GRM7: variants seen among roughly 807,000 people sequenced by gnomAD.
GRM7 encodes the protein metabotropic glutamate receptor 7.
A neutral mutation model predicts 84.5 loss-of-function variants in GRM7; 35 were observed. That is an observed-to-expected ratio of 0.41 (90% CI 0.32 to 0.55). The LOEUF is 0.55. GRM7 is among the 20% of genes least tolerant of loss of function. The pLI, the probability that GRM7 is intolerant of heterozygous loss-of-function variation, is 0.19. For missense variants in GRM7, 1,003 were observed against 1,194.6 expected (o/e 0.84, Z 2.36); for synonymous variants, 487 against 455.1 (o/e 1.07, Z -0.89).
intron 1 of GRM7, among the ~76,000 whole-genome samples, chr3:6,899,334 A>G (rs527749583): frequency 1.9e-4 from 29 of 152,298 alleles, no homozygotes; most frequent in Admixed American, 1.3e-3. Context: ...TCAGCTTTTT[A>G]TTACAGGGCA....
At chr3:7,356,310 T>A (rs1693399163) in intron 4 of GRM7, among the ~76,000 whole-genome samples, 1 of 151,842 alleles carries the variant, frequency 6.6e-6, no homozygotes, top group Non-Finnish European at 1.5e-5. Context: ...TTTTTTTTTT[T>A]ATTTTTTTTG....
chr3:7,059,988 G>A (rs1697376121), intron 1 of GRM7, among the ~76,000 whole-genome samples: 1 of 151,842 alleles, frequency 6.6e-6, no homozygotes, highest in Non-Finnish European at 1.5e-5. Flanking sequence ...TTAGAATGGA[G>A]TAGAGTATAC....
At chr3:7,166,845 A>T (rs1694815683) in intron 2 of GRM7, among the ~76,000 whole-genome samples, 1 of 152,210 alleles carries the variant, frequency 6.6e-6, no homozygotes, top group Non-Finnish European at 1.5e-5. Flanking sequence ...ATAAATTCCC[A>T]TGTTGCCTTA....
chr3:6,868,522 A>T (rs1695012593), intron 1 of GRM7, among the ~76,000 whole-genome samples: 1 of 152,168 alleles, frequency 6.6e-6, no homozygotes. Context: ...GTATGCAGGA[A>T]ATAAATATAC....
chr3:7,288,563 C>A (rs901450741), intron 2 of GRM7, among the ~76,000 whole-genome samples: 1 of 152,058 alleles, frequency 6.6e-6, no homozygotes, highest in Non-Finnish European at 1.5e-5. Flanking sequence ...TGGACCCATA[C>A]CCCCACTTCT....
At chr3:7,290,786 G>C (rs1295876082) in intron 2 of GRM7, among the ~76,000 whole-genome samples, 1 of 151,996 alleles carries the variant, frequency 6.6e-6, no homozygotes, top group East Asian at 1.9e-4. Context: ...AACTTCTGGG[G>C]GTGTTCATCT....
At chr3:7,416,603 C>G (rs945517782) in intron 5 of GRM7, among the ~76,000 whole-genome samples, 1 of 151,952 alleles carries the variant, frequency 6.6e-6, no homozygotes, top group African/African-American at 2.4e-5. Context: ...GAGAAATGTA[C>G]AACATATGAC....
intron 7 of GRM7, among the ~76,000 whole-genome samples, chr3:7,561,059 T>C (rs1694003764): frequency 6.6e-6 from 1 of 152,110 alleles, no homozygotes. Context: ...CAACATTTTT[T>C]CTTCCTCCCT....
At chr3:7,126,724 G>A (rs1199470812) in intron 1 of GRM7, among the ~76,000 whole-genome samples, 2 of 152,138 alleles carry the variant, frequency 1.3e-5, no homozygotes, top group Admixed American at 1.3e-4. Context: ...CATTTAGGTT[G>A]CCCCCTCCTC....
Position 7,122,980 on chromosome 3 carries a change from C to G in GRM7, c.520-23472C>G, listed in dbSNP as rs138501965. Among the ~76,000 whole-genome samples, 363 of 152,256 alleles carry G rather than the reference C, an allele frequency of 2.4e-3. 2 individuals carry two copies. Among genetic ancestry groups the G allele is most frequent in the African/African-American group, 8.5e-3 (353 of 41,540 alleles). On this transcript the variant is annotated intron_variant, in intron 1 of 9. Transcript: ENST00000357716. ...TTCCTGAGAATTTTTGAAAAGGTCT[C>G]CTTTTCCCTGTTGAGACACATATGA...
intron 1 of GRM7, among the ~76,000 whole-genome samples, chr3:6,877,914 G>A (rs1695373905): frequency 6.7e-6 from 1 of 149,698 alleles, no homozygotes; most frequent in Admixed American, 6.7e-5. Flanking sequence ...CACATAAGCA[G>A]GAAAGTAGCT....
At chr3:7,038,502 A>G (rs1368551437) in intron 1 of GRM7, among the ~76,000 whole-genome samples, 1 of 152,192 alleles carries the variant, frequency 6.6e-6, no homozygotes, top group African/African-American at 2.4e-5. Flanking sequence ...GAAAATCCTC[A>G]GCTTTAAGTG....
At chr3:7,153,618 T>G (rs1694355965) in intron 2 of GRM7, among the ~76,000 whole-genome samples, 1 of 152,154 alleles carries the variant, frequency 6.6e-6, no homozygotes, top group African/African-American at 2.4e-5. Context: ...TTTTCTAATT[T>G]GAATTTTCTG....
At chr3:7,135,434 A>T (rs1408293308) in intron 1 of GRM7, among the ~76,000 whole-genome samples, 3 of 152,238 alleles carry the variant, frequency 2.0e-5, no homozygotes, top group Admixed American at 6.5e-5. Context: ...CATTATCTTA[A>T]TTGCACATGA....
At chr3:7,514,686 C>A (rs1161047878) in intron 7 of GRM7, among the ~76,000 whole-genome samples, 1 of 152,180 alleles carries the variant, frequency 6.6e-6, no homozygotes, top group Non-Finnish European at 1.5e-5. Flanking sequence ...CTTGTAAAAA[C>A]TATGGGGCTA....
intron 1 of GRM7, among the ~76,000 whole-genome samples, chr3:7,022,283 G>A (rs752916385): frequency 8.6e-5 from 13 of 151,468 alleles, no homozygotes; most frequent in Non-Finnish European, 4.4e-5. Context: ...CCGAGATTGT[G>A]CCACTGCACC....
At chr3:6,910,095 A>G (rs1696715329) in intron 1 of GRM7, among the ~76,000 whole-genome samples, 1 of 152,074 alleles carries the variant, frequency 6.6e-6, no homozygotes, top group Non-Finnish European at 1.5e-5. Flanking sequence ...CAAGAGGTAC[A>G]TGGGATAATT....
chr3:6,965,066 A>T (rs1693462762), intron 1 of GRM7, among the ~76,000 whole-genome samples: 1 of 152,190 alleles, frequency 6.6e-6, no homozygotes, highest in Admixed American at 6.5e-5. Flanking sequence ...GGAAGCAGCA[A>T]GTAAAGGTCA....
chr3:6,989,017 T>C (rs1358978807), intron 1 of GRM7, among the ~76,000 whole-genome samples: 1 of 152,216 alleles, frequency 6.6e-6, no homozygotes, highest in Non-Finnish European at 1.5e-5. Context: ...ATCAGTTTTC[T>C]TTAGGGTAGG....
Sources: allele counts gnomAD v4.1 joint callset (sites outside exome capture counted in the v4.1 genomes callset), GRCh38; gene constraint gnomAD v4.1.1; transcripts MANE v1.5; gene names NCBI Gene and HGNC (gene_info 2026-07-23, HGNC 2026-07-21).